ADGRL4: variants seen among roughly 807,000 people sequenced by gnomAD.
ADGRL4 encodes adhesion G protein-coupled receptor L4, also known as EGF, latrophilin and seven transmembrane domain containing 1.
ADGRL4 carries 90 observed loss-of-function variants against 74.8 expected under a neutral mutation model. That is an observed-to-expected ratio of 1.20 (90% CI 1.02 to 1.43). The LOEUF (loss-of-function observed/expected upper bound fraction) is 1.43, where lower values mean the gene tolerates loss of function less well. Ranked by LOEUF, ADGRL4 falls within the 40% of genes most tolerant of loss-of-function variation. The probability of loss-of-function intolerance (pLI) is 0.00; values close to 1 mark genes in which losing one functional copy is unlikely to be tolerated. For missense variants in ADGRL4, 881 were observed against 814.3 expected (o/e 1.08, Z -1.00); for synonymous variants, 311 against 279.2 (o/e 1.11, Z -1.14).
intron 2 of ADGRL4, among the ~76,000 whole-genome samples, chr1:78,969,711 T>G (rs1272728495): frequency 2.0e-5 from 3 of 149,236 alleles, no homozygotes; most frequent in Non-Finnish European, 3.0e-5. Flanking sequence ...TTGTGGGTTT[T>G]TTTTTTTTTT....
intron 9 of ADGRL4, among the ~76,000 whole-genome samples, chr1:78,921,200 G>A (rs1648992031): frequency 6.6e-6 from 1 of 151,406 alleles, no homozygotes; most frequent in African/African-American, 2.4e-5. Flanking sequence ...CATGATGTTA[G>A]TTATAAGTGT....
rs1433806872 is a variant in ADGRL4, at chr1:78,889,816, C to T, written c.*1338G>A. On this transcript the variant is annotated 3_prime_UTR_variant, in exon 15 of 15. Transcript: ENST00000370742. Reference sequence around the variant, plus strand: ...GAGCAAGATTTGGCAGACTTCATTTCAACAGCTGGAGGAATTAATTTAAAA... The same window carrying T: ...GAGCAAGATTTGGCAGACTTCATTTTAACAGCTGGAGGAATTAATTTAAAA... 4.3e-6 allele frequency: 2 copies of T among 461,238 alleles called. No homozygotes were observed. Among genetic ancestry groups the T allele is most frequent in the East Asian group, 1.4e-4 (2 of 13,860 alleles). The allele number at this position is 461,238 out of a possible 1,614,324, so 28.6% of individuals were successfully genotyped here.
intron 12 of ADGRL4, among the ~76,000 whole-genome samples, chr1:78,914,343 A>G (rs1648824694): frequency 6.6e-6 from 1 of 151,842 alleles, no homozygotes; most frequent in Admixed American, 6.6e-5. Context: ...TTCATACTGT[A>G]GTTGGCAGAA....
chr1:78,932,645 G>T (rs1457793243), intron 7 of ADGRL4, among the ~76,000 whole-genome samples: 1 of 142,068 alleles, frequency 7.0e-6, no homozygotes, highest in Non-Finnish European at 1.5e-5. Context: ...TCCAGAAGCT[G>T]GTTAAAAAAA....
intron 12 of ADGRL4, among the ~76,000 whole-genome samples, chr1:78,894,978 C>T (rs1477597864): frequency 6.6e-6 from 1 of 151,926 alleles, no homozygotes; most frequent in Non-Finnish European, 1.5e-5. Flanking sequence ...TGCTCTTCTA[C>T]ATCACATGCT....
At chr1:78,981,535 A>T (rs1650397620) in intron 2 of ADGRL4, among the ~76,000 whole-genome samples, 1 of 151,936 alleles carries the variant, frequency 6.6e-6, no homozygotes, top group Admixed American at 6.6e-5. Context: ...AAGCCATTGC[A>T]GTCAGTGGAT....
intron 7 of ADGRL4, among the ~76,000 whole-genome samples, chr1:78,933,584 A>G (rs1045233000): frequency 6.6e-6 from 1 of 151,402 alleles, no homozygotes; most frequent in Admixed American, 6.6e-5. Context: ...GGCCAGGGCA[A>G]TCAGGCAAGA....
chr1:78,953,311 T>C (rs1649767639), intron 2 of ADGRL4, among the ~76,000 whole-genome samples: 1 of 152,210 alleles, frequency 6.6e-6, no homozygotes, highest in Non-Finnish European at 1.5e-5. Flanking sequence ...GAAGTTGTTT[T>C]TGAGGAGCTA....
intron 2 of ADGRL4, among the ~76,000 whole-genome samples, chr1:79,000,133 TG>T (rs1389701290): frequency 1.3e-5 from 2 of 152,188 alleles, no homozygotes; most frequent in Non-Finnish European, 2.9e-5. Flanking sequence ...ATTACTTTTC[TG>T]GTTCTAAATA....
chr1:78,902,066 G>C (rs1648532506), intron 12 of ADGRL4, among the ~76,000 whole-genome samples: 1 of 151,952 alleles, frequency 6.6e-6, no homozygotes, highest in Non-Finnish European at 1.5e-5. Context: ...GATTGCTCTG[G>C]GATAGTAACA....
chr1:78,968,503 T>TG (rs1048218796), intron 2 of ADGRL4, among the ~76,000 whole-genome samples: 19 of 97,742 alleles, frequency 1.9e-4, no homozygotes, highest in African/African-American at 7.4e-4. Flanking sequence ...TGGAGGGCGG[T>TG]GGGGGGGTGG....
At chr1:78,908,316 CT>C (rs1316513083) in intron 12 of ADGRL4, among the ~76,000 whole-genome samples, 1 of 151,932 alleles carries the variant, frequency 6.6e-6, no homozygotes, top group Non-Finnish European at 1.5e-5. Context: ...TTTATGGATT[CT>C]TAGTAAATAG....
intron 2 of ADGRL4, among the ~76,000 whole-genome samples, chr1:78,974,036 C>G (rs1403571961): frequency 6.6e-6 from 1 of 152,150 alleles, no homozygotes; most frequent in East Asian, 1.9e-4. Context: ...AGAGCACACA[C>G]ACACCCCTCC....
intron 2 of ADGRL4, among the ~76,000 whole-genome samples, chr1:78,998,362 CTTTTTTTTT>C (rs71078519): frequency 1.8e-4 from 12 of 65,008 alleles, no homozygotes; most frequent in Admixed American, 5.1e-4. Flanking sequence ...TCCACTGATT[CTTTTTTTTT>C]TTTTTTTTTT....
chr1:78,969,906 C>T (rs1316903810), intron 2 of ADGRL4, among the ~76,000 whole-genome samples: 5 of 152,082 alleles, frequency 3.3e-5, no homozygotes, highest in African/African-American at 1.2e-4. Context: ...AAATCTGGAT[C>T]AATACTCTAG....
chr1:78,892,881 G>A (rs369771805), intron 13 of ADGRL4, among the ~76,000 whole-genome samples: 3 of 151,862 alleles, frequency 2.0e-5, no homozygotes, highest in Non-Finnish European at 1.5e-5. Context: ...CCTTTCAAAG[G>A]GGTGTATGTT....
intron 8 of ADGRL4, among the ~76,000 whole-genome samples, chr1:78,924,960 T>A (rs1174125298): frequency 6.6e-6 from 1 of 152,096 alleles, no homozygotes; most frequent in Admixed American, 6.6e-5. Context: ...AAAGGAGTTA[T>A]TAATTTTTGG....
At chr1:78,988,714 C>T (rs576952870) in intron 2 of ADGRL4, among the ~76,000 whole-genome samples, 13 of 151,864 alleles carry the variant, frequency 8.6e-5, no homozygotes, top group South Asian at 2.1e-4. Context: ...TGATGTCTCA[C>T]AAGGTGAGTC....
intron 7 of ADGRL4, among the ~76,000 whole-genome samples, chr1:78,928,366 C>T (rs1445847843): frequency 6.6e-6 from 1 of 151,294 alleles, no homozygotes; most frequent in African/African-American, 2.5e-5. Context: ...TTCTTCAATT[C>T]CTATGATTTC....
Sources: allele counts gnomAD v4.1 joint callset (sites outside exome capture counted in the v4.1 genomes callset), GRCh38; gene constraint gnomAD v4.1.1; transcripts MANE v1.5; gene names NCBI Gene and HGNC (gene_info 2026-07-23, HGNC 2026-07-21).